MCTP1: variants seen among roughly 807,000 people sequenced by gnomAD.
The protein encoded by MCTP1 is multiple C2 and transmembrane domain containing 1.
In MCTP1, 69 loss-of-function variants were observed where a neutral mutation model predicts 120.6. The observed-to-expected ratio is 0.57, with a 90% CI of 0.47 to 0.70. The LOEUF (loss-of-function observed/expected upper bound fraction) is 0.70. Among genes scored for constraint, MCTP1 ranks in the 30% least tolerant of loss-of-function variants. The probability of loss-of-function intolerance (pLI) is 0.00; values close to 1 mark genes in which losing one functional copy is unlikely to be tolerated. For missense variants in MCTP1, 1,203 were observed against 1,248.8 expected (o/e 0.96, Z 0.55); for synonymous variants, 529 against 493.1 (o/e 1.07, Z -0.96).
chr5:94,743,399 T>TA (rs1766039068), intron 19 of MCTP1, among the ~76,000 whole-genome samples: 4 of 149,378 alleles, frequency 2.7e-5, no homozygotes, highest in Admixed American at 6.7e-5. Context: ...AAGACAGAAA[T>TA]AAAAAAGGAA....
intron 7 of MCTP1, among the ~76,000 whole-genome samples, chr5:94,920,005 C>T (rs1811131269): frequency 6.6e-6 from 1 of 152,228 alleles, no homozygotes; most frequent in Non-Finnish European, 1.5e-5. Context: ...AATCCTTAAA[C>T]TTTCTTTTGT....
intron 19 of MCTP1, among the ~76,000 whole-genome samples, chr5:94,769,782 C>T (rs989364501): frequency 1.2e-4 from 18 of 152,100 alleles, no homozygotes; most frequent in African/African-American, 3.6e-4. Context: ...TGTATTGAAA[C>T]TTTTAAAATA....
At chr5:95,028,493 C>A (rs1839690214) in intron 1 of MCTP1, among the ~76,000 whole-genome samples, 1 of 152,142 alleles carries the variant, frequency 6.6e-6, no homozygotes, top group East Asian at 1.9e-4. Context: ...AAATTCAGTG[C>A]TCCCAGAATG....
chr5:94,888,883 G>A lies in MCTP1; in HGVS notation c.1929C>T (p.Val643=). ...GAGAATTGCATCATCTCTTACCAGT[G>A]ACGTCGGCAGCCATTAACCCTTCCG... The part of the protein sequence containing the change: ...IRAEGLMAAD[V]TGKSDPFCVV... The change falls in exon 12 of 23, where the codon GTC becomes GTT. Residue 643 remains valine, a synonymous_variant. Transcript: ENST00000515393. The A allele has an allele frequency of 6.2e-7, 1 of 1,604,876 alleles. No individual in the cohort carries two copies. The highest frequency in any genetic ancestry group is 8.5e-7 in the Non-Finnish European group (1 of 1,171,726).
intron 1 of MCTP1, among the ~76,000 whole-genome samples, chr5:95,239,822 T>C (rs1422753511): frequency 1.3e-5 from 2 of 152,206 alleles, no homozygotes; most frequent in African/African-American, 4.8e-5. Flanking sequence ...CATTTTATTA[T>C]ACCACTGTAT....
intron 17 of MCTP1, among the ~76,000 whole-genome samples, chr5:94,834,209 A>G (rs1008853009): frequency 1.3e-5 from 2 of 152,202 alleles, no homozygotes; most frequent in African/African-American, 4.8e-5. Flanking sequence ...AAACAGAGGA[A>G]GCTTTCCCAA....
At chr5:94,890,110 C>T (rs2153388522) in intron 11 of MCTP1, among the ~76,000 whole-genome samples, 1 of 152,220 alleles carries the variant, frequency 6.6e-6, no homozygotes, top group African/African-American at 2.4e-5. Flanking sequence ...GCATTCCTTC[C>T]ACCTCAGCCT....
chr5:95,130,708 C>CA (rs1758982348), intron 1 of MCTP1, among the ~76,000 whole-genome samples: 1 of 152,118 alleles, frequency 6.6e-6, no homozygotes, highest in Non-Finnish European at 1.5e-5. Flanking sequence ...TGTCTGTGGC[C>CA]AAATTTCCTC....
At chr5:95,279,695 T>C (rs967563644) in intron 1 of MCTP1, among the ~76,000 whole-genome samples, 1 of 152,206 alleles carries the variant, frequency 6.6e-6, no homozygotes, top group Non-Finnish European at 1.5e-5. Flanking sequence ...ATAGTTCAAC[T>C]CAAATTTGCC....
chr5:95,073,872 G>C (rs1294192145), intron 1 of MCTP1, among the ~76,000 whole-genome samples: 1 of 152,136 alleles, frequency 6.6e-6, no homozygotes, highest in East Asian at 1.9e-4. Context: ...CAGCACTTTG[G>C]GAGGCCGAGG....
intron 17 of MCTP1, among the ~76,000 whole-genome samples, chr5:94,839,196 C>G (rs952547278): frequency 6.6e-6 from 1 of 152,120 alleles, no homozygotes; most frequent in Non-Finnish European, 1.5e-5. Flanking sequence ...TCGAAATTCA[C>G]CTTCAGAAAC....
chr5:94,944,329 G>C (rs1334534143), intron 3 of MCTP1, among the ~76,000 whole-genome samples: 1 of 152,100 alleles, frequency 6.6e-6, no homozygotes, highest in Non-Finnish European at 1.5e-5. Context: ...ACACTTCTGA[G>C]CTTTAGTCAT....
At chr5:94,821,565 T>C (rs532468554) in intron 17 of MCTP1, among the ~76,000 whole-genome samples, 32 of 152,346 alleles carry the variant, frequency 2.1e-4, no homozygotes, top group African/African-American at 7.2e-4. Context: ...ATTTGTAATA[T>C]ATTTCCATTA....
At chr5:94,726,412 A>G (rs1024147837) in intron 19 of MCTP1, among the ~76,000 whole-genome samples, 1 of 152,228 alleles carries the variant, frequency 6.6e-6, no homozygotes, top group Non-Finnish European at 1.5e-5. Context: ...AGTAAGCCTC[A>G]TGGCTGAATC....
At chr5:94,731,107 A>G (rs1045430010) in intron 19 of MCTP1, among the ~76,000 whole-genome samples, 4 of 152,230 alleles carry the variant, frequency 2.6e-5, no homozygotes, top group African/African-American at 7.2e-5. Flanking sequence ...ACATTCCAGG[A>G]AGACAAAGAA....
chr5:95,192,747 T>G (rs887306443), intron 1 of MCTP1, among the ~76,000 whole-genome samples: 16 of 152,158 alleles, frequency 1.1e-4, no homozygotes, highest in Admixed American at 6.6e-5. Context: ...GAAAAGGCTT[T>G]AATTAAAGAG....
At chr5:94,745,594 G>A (rs1165710296) in intron 19 of MCTP1, among the ~76,000 whole-genome samples, 1 of 152,034 alleles carries the variant, frequency 6.6e-6, no homozygotes, top group Non-Finnish European at 1.5e-5. Context: ...AAAATCATCA[G>A]GTATTCTTGC....
intron 1 of MCTP1, among the ~76,000 whole-genome samples, chr5:95,172,449 T>C (rs2152499234): frequency 6.6e-6 from 1 of 152,330 alleles, no homozygotes. Context: ...GACAGGGACA[T>C]TAATTCGTAT....
At position 94,912,466 on chromosome 5, in the gene MCTP1, A is replaced by AAAG. The variant is rs1211529200; in HGVS notation, c.1521+339_1521+340insCTT. On this transcript the variant is annotated intron_variant, in intron 9 of 22. Coordinates refer to ENST00000515393, the MANE Select transcript of MCTP1 (RefSeq NM_024717.7). Reference sequence around the variant, plus strand: ...AAAAAAAAAAAAAAAAAAAAAAAAAAGCCGCACTCTGAGTACTTTATGTGC... The same window carrying AAAG: ...AAAAAAAAAAAAAAAAAAAAAAAAAAAAGGCCGCACTCTGAGTACTTTATGTGC... Among the ~76,000 whole-genome samples, 18 of 92,038 alleles carry AAAG rather than the reference A, an allele frequency of 2.0e-4. 6 individuals carry two copies. Among genetic ancestry groups the AAAG allele is most frequent in the Admixed American group, 2.4e-4 (2 of 8,212 alleles). 60.4% of individuals were successfully genotyped at this position (92,038 alleles called of 152,430 possible).
Sources: allele counts gnomAD v4.1 joint callset (sites outside exome capture counted in the v4.1 genomes callset), GRCh38; gene constraint gnomAD v4.1.1; transcripts MANE v1.5; gene names NCBI Gene and HGNC (gene_info 2026-07-23, HGNC 2026-07-21).